The following TRAPPC9 variants were observed in gnomAD, a reference collection of about 807,000 sequenced individuals.
TRAPPC9 encodes the protein IKK2 binding protein.
Under a neutral mutation model 124.0 loss-of-function variants are expected in TRAPPC9, and 83 were observed. That is an observed-to-expected ratio of 0.67 (90% confidence interval 0.56 to 0.80). The LOEUF (loss-of-function observed/expected upper bound fraction) is 0.80, where lower values mean the gene tolerates loss of function less well. Among genes scored for constraint, TRAPPC9 ranks in the 30% least tolerant of loss-of-function variants. The pLI, the probability that TRAPPC9 is intolerant of heterozygous loss-of-function variation, is 0.00. For synonymous variants in TRAPPC9, 638 were observed against 617.5 expected, an observed-to-expected ratio of 1.03 and a Z score of -0.49; for missense variants, 1,302 against 1,508.3, an observed-to-expected ratio of 0.86 and a Z score of 2.27.
At chr8:140,345,220 T>C (rs1300277425) in intron 9 of TRAPPC9, among the ~76,000 whole-genome samples, 1 of 152,138 alleles carries the variant, frequency 6.6e-6, no homozygotes, top group Non-Finnish European at 1.5e-5. Context: ...AGGTCCTCTG[T>C]GTGGGTGGTG....
In TRAPPC9 at chr8:140,216,676, C is replaced by T. The variant is rs1400491306; in HGVS notation, c.2556+4783G>A. 6.6e-6 allele frequency among the ~76,000 whole-genome samples: 1 copy of T among 152,204 alleles called. No individual in the cohort carries two copies. The highest frequency in any genetic ancestry group is 2.4e-5 in the African/African-American group (1 of 41,448). On this transcript the variant is annotated intron_variant, in intron 17 of 22. Transcript: ENST00000438773. The surrounding 1 kb of genome is among the most constrained non-coding windows in gnomAD (Gnocchi z 4.1). ...AGCAGGCCTGCAGCAGCATGCCATA[C>T]ACACACAGACTTCAGGGGCCTCTGC...
intron 21 of TRAPPC9, among the ~76,000 whole-genome samples, chr8:139,824,274 G>A (rs1222012562): frequency 2.0e-5 from 3 of 152,192 alleles, no homozygotes; most frequent in African/African-American, 4.8e-5. Context: ...AAACGGATGA[G>A]GTGAGGAAGT....
intron 19 of TRAPPC9, among the ~76,000 whole-genome samples, chr8:139,926,302 A>C (rs1325120596): frequency 6.6e-6 from 1 of 152,122 alleles, no homozygotes; most frequent in Admixed American, 6.5e-5. Context: ...AATCATCACT[A>C]TTCTCCAGAG....
At chr8:140,337,552 A>C (rs1248617461) in intron 9 of TRAPPC9, among the ~76,000 whole-genome samples, 1 of 152,184 alleles carries the variant, frequency 6.6e-6, no homozygotes, top group Non-Finnish European at 1.5e-5. Context: ...ATAGAGAACA[A>C]GGTCACCGGC....
intron 17 of TRAPPC9, among the ~76,000 whole-genome samples, chr8:140,071,462 C>T (rs149573089): frequency 7.2e-5 from 11 of 152,292 alleles, no homozygotes; most frequent in South Asian, 6.2e-4. Context: ...TGAGGAAACA[C>T]GGGCTCAAGC....
chr8:140,273,794 G>A (rs1459423928), intron 15 of TRAPPC9, among the ~76,000 whole-genome samples: 1 of 152,224 alleles, frequency 6.6e-6, no homozygotes, highest in African/African-American at 2.4e-5. Flanking sequence ...CACGACACCT[G>A]TGGCCGATGC....
At chr8:140,170,230 A>G (rs2061939372) in intron 17 of TRAPPC9, among the ~76,000 whole-genome samples, 1 of 152,218 alleles carries the variant, frequency 6.6e-6, no homozygotes, top group South Asian at 2.1e-4. Context: ...TATGTCACAC[A>G]TGTGAGAGCC....
intron 17 of TRAPPC9, among the ~76,000 whole-genome samples, chr8:140,090,512 T>C (rs75208603): frequency 0.028 from 4,220 of 152,332 alleles, 185 homozygotes; most frequent in African/African-American, 0.095. Context: ...TCCACTGGCG[T>C]ATTACCAAGA....
chr8:140,242,675 T>C (rs917199185), intron 16 of TRAPPC9, among the ~76,000 whole-genome samples: 8 of 152,218 alleles, frequency 5.3e-5, no homozygotes, highest in African/African-American at 1.9e-4. Context: ...ACCATCATGT[T>C]AGAGCCTGTG....
intron 21 of TRAPPC9, among the ~76,000 whole-genome samples, chr8:139,816,892 T>G (rs4736100): frequency 0.14 from 20,800 of 152,030 alleles, 1,501 homozygotes; most frequent in Admixed American, 0.2. Context: ...AGGCACAGTC[T>G]CAGCTTCATT....
At chr8:140,283,821 A>G (rs1255852042) in intron 14 of TRAPPC9, 68 bp downstream of exon 14, 3 of 1,597,810 alleles carry the variant, frequency 1.9e-6, no homozygotes, top group African/African-American at 2.7e-5. Context: ...CCATTAAAAA[A>G]AAAAAAAATG....
intron 5 of TRAPPC9, among the ~76,000 whole-genome samples, chr8:140,420,732 G>T (rs72692390): frequency 0.17 from 25,186 of 151,912 alleles, 2,356 homozygotes; most frequent in Middle Eastern, 0.31. Context: ...AATATCTAGT[G>T]AAAAATAACT....
intron 19 of TRAPPC9, among the ~76,000 whole-genome samples, chr8:139,944,216 G>A (rs1834076335): frequency 1.3e-5 from 2 of 152,160 alleles, no homozygotes; most frequent in Non-Finnish European, 2.9e-5. Flanking sequence ...TACAAGAAAT[G>A]CTAGAAGAAA....
At position 140,023,925 on chromosome 8, in the gene TRAPPC9, G is replaced by A. The variant is rs573394555; in HGVS notation, c.2699+12C>T. The A allele has an allele frequency of 6.2e-7, 1 of 1,613,964 alleles. No homozygotes were observed. Among genetic ancestry groups the A allele is most frequent in the African/African-American group, 1.3e-5 (1 of 75,046 alleles). ...CTAGAACAAGACGGCTGTGCGGCAG[G>A]AAGACATTTACCTGGTTGCTGGGAG... On this transcript the variant is annotated intron_variant, in intron 18 of 22. Transcript: ENST00000438773.
intron 11 of TRAPPC9, among the ~76,000 whole-genome samples, chr8:140,292,704 A>G (rs965608071): frequency 5.3e-5 from 8 of 151,512 alleles, no homozygotes; most frequent in Non-Finnish European, 7.4e-5. Context: ...CACCTTATAC[A>G]AAAATTAATT....
At chr8:140,361,897 G>A (rs1008430119) in intron 8 of TRAPPC9, among the ~76,000 whole-genome samples, 6 of 152,206 alleles carry the variant, frequency 3.9e-5, no homozygotes, top group East Asian at 1.9e-4. Flanking sequence ...CCTCCCTAAC[G>A]CAAATAGCAG....
At chr8:140,427,645 T>C (rs559765532) in intron 4 of TRAPPC9, among the ~76,000 whole-genome samples, 22 of 152,290 alleles carry the variant, frequency 1.4e-4, no homozygotes, top group South Asian at 6.2e-4. Context: ...CCAAGAGTCA[T>C]GTTTATCATT....
At chr8:140,411,933 C>T (rs2069719721) in intron 5 of TRAPPC9, among the ~76,000 whole-genome samples, 1 of 152,162 alleles carries the variant, frequency 6.6e-6, no homozygotes, top group Non-Finnish European at 1.5e-5. Context: ...GCAAGAAAAT[C>T]GCCATTTGGC....
intron 19 of TRAPPC9, among the ~76,000 whole-genome samples, chr8:139,952,809 A>G (rs1438241759): frequency 2.0e-5 from 3 of 152,264 alleles, no homozygotes; most frequent in African/African-American, 7.2e-5. Flanking sequence ...TGCACCAGGC[A>G]CTGTGCTAAG....
Sources: allele counts gnomAD v4.1 joint callset (sites outside exome capture counted in the v4.1 genomes callset), GRCh38; gene constraint gnomAD v4.1.1; non-coding constraint Gnocchi (gnomAD v3.1); transcripts MANE v1.5; gene names NCBI Gene and HGNC (gene_info 2026-07-23, HGNC 2026-07-21).